Variants in PCDHA3 observed in about 807,000 individuals in gnomAD.
The protein encoded by PCDHA3 is protocadherin alpha 3.
PCDHA3 carries 41 observed loss-of-function variants against 62.2 expected under a neutral mutation model. The observed-to-expected ratio is 0.66, with a 90% CI of 0.51 to 0.86. PCDHA3 has a LOEUF of 0.86. Ranked by LOEUF, PCDHA3 falls within the 40% of genes least tolerant of loss-of-function variation. The probability of loss-of-function intolerance (pLI) is 0.00; values close to 1 mark genes in which losing one functional copy is unlikely to be tolerated. For missense variants in PCDHA3, 1,304 were observed against 1,241.2 expected, an observed-to-expected ratio of 1.05 and a Z score of -0.76; for synonymous variants, 640 against 555.4, an observed-to-expected ratio of 1.15 and a Z score of -2.14.
chr5:140,852,671 T>C (rs1371221007), intron 1 of PCDHA3: 3 of 965,758 alleles, frequency 3.1e-6, no homozygotes, highest in East Asian at 1.1e-4. Context: ...TCAGCACAAC[T>C]CACCTTGAAT....
chr5:140,928,788 G>A, intron 1 of PCDHA3: 1 of 1,614,214 alleles, frequency 6.2e-7, no homozygotes, highest in South Asian at 1.1e-5. Flanking sequence ...CAGTTAAGCA[G>A]AGGGTGGTGG....
chr5:141,009,597 G>A (rs1284925593), intron 3 of PCDHA3, 30 bp from the exon 4 acceptor site: 1 of 1,605,790 alleles, frequency 6.2e-7, no homozygotes, highest in Non-Finnish European at 8.5e-7. Flanking sequence ...TGTTGACCCT[G>A]TTAATGATTT....
Position 140,881,024 on chromosome 5 carries a change from A to G in PCDHA3, c.2394+77433A>G, listed in dbSNP as rs1330072249. Among the ~76,000 whole-genome samples the G allele has an allele frequency of 1.1e-4, 17 of 152,246 alleles. 1 individual carries two copies. Among genetic ancestry groups the G allele is most frequent in the Admixed American group, 5.2e-4 (8 of 15,290 alleles). ...GAGCAGAGCTATGGAAATAAACCCA[A>G]CAGTCATTTCCTATAGAGTTGTGCA... On this transcript the variant is annotated intron_variant, in intron 1 of 3. Coordinates refer to ENST00000522353, the MANE Select transcript of PCDHA3 (RefSeq NM_018906.3).
intron 1 of PCDHA3, chr5:140,829,130 G>A (rs2150162751): frequency 2.5e-6 from 4 of 1,612,556 alleles, no homozygotes; most frequent in Non-Finnish European, 3.4e-6. Flanking sequence ...AAATGATAAC[G>A]TCCCTGAGAT....
Position 140,853,581 on chromosome 5 carries a change from C to T in PCDHA3, c.2394+49990C>T, listed in dbSNP as rs765816845. ...GAAAAACTAAGTTGTCACCCAATAT[C>T]TTAGACACTTTGAGAGCAAAGGGGG... On this transcript the variant is annotated intron_variant, in intron 1 of 3. Transcript: ENST00000522353. 6.1e-4 allele frequency: 602 copies of T among 984,310 alleles called. 55 individuals are homozygous for T. Among genetic ancestry groups the T allele is most frequent in the Non-Finnish European group, 6.9e-4 (563 of 816,746 alleles). 61.0% of individuals were successfully genotyped at this position (984,310 alleles called of 1,614,324 possible).
intron 3 of PCDHA3, among the ~76,000 whole-genome samples, chr5:141,007,567 CA>C (rs1489201842): frequency 6.6e-6 from 1 of 151,954 alleles, no homozygotes; most frequent in Non-Finnish European, 1.5e-5. Flanking sequence ...GGCTCTATCT[CA>C]AATTTAAAAA....
At chr5:140,982,186 C>G (rs547938149) in intron 2 of PCDHA3, among the ~76,000 whole-genome samples, 34 of 152,372 alleles carry the variant, frequency 2.2e-4, no homozygotes, top group African/African-American at 7.7e-4. Context: ...CTCTGATGGG[C>G]TTCCTGTTAG....
chr5:140,807,794 G>A (rs1554124277), intron 1 of PCDHA3: 1 of 1,614,154 alleles, frequency 6.2e-7, no homozygotes, highest in East Asian at 2.2e-5. Context: ...TTTAGACAGA[G>A]AAGAAGCTCC....
At position 140,869,552 on chromosome 5, in the gene PCDHA3, C is replaced by T. The variant is rs537127263; in HGVS notation, c.2394+65961C>T. ...ATTGCGGAATCTAAGCAATCGGACTCGCGTTTTCCACTAGAGGGAGCTTCT... is the reference window on the plus strand; with the variant it reads ...ATTGCGGAATCTAAGCAATCGGACTTGCGTTTTCCACTAGAGGGAGCTTCT... On this transcript the variant is annotated intron_variant, in intron 1 of 3. Transcript: ENST00000522353. 4 of 1,614,140 alleles carry T rather than the reference C, an allele frequency of 2.5e-6. No homozygotes were observed. In the East Asian group the frequency reaches 6.7e-5, roughly 27 times the overall value.
chr5:140,900,080 A>G (rs62384484), intron 1 of PCDHA3, among the ~76,000 whole-genome samples: 49,691 of 152,040 alleles, frequency 0.33, 8,391 homozygotes, highest in East Asian at 0.53. Flanking sequence ...AAAGTGCTGC[A>G]GTTACAAGCA....
At chr5:141,005,978 G>C (rs1226619772) in intron 3 of PCDHA3, among the ~76,000 whole-genome samples, 2 of 151,936 alleles carry the variant, frequency 1.3e-5, no homozygotes, top group African/African-American at 4.8e-5. Context: ...CAATTCCAAA[G>C]AGTGTTTGAG....
chr5:140,905,160 A>G (rs1554191931), intron 1 of PCDHA3, among the ~76,000 whole-genome samples: 2 of 152,304 alleles, frequency 1.3e-5, no homozygotes, highest in East Asian at 1.9e-4. Flanking sequence ...TAGAATTTTC[A>G]TGGTTTCAGG....
chr5:140,852,181 G>A, intron 1 of PCDHA3: 3 of 755,216 alleles, frequency 4.0e-6, no homozygotes, highest in Non-Finnish European at 5.0e-6. Flanking sequence ...AAATAACTAT[G>A]AAAATGCCAG....
chr5:140,854,013 T>A, intron 1 of PCDHA3: 16 of 343,618 alleles, frequency 4.7e-5, no homozygotes, highest in Non-Finnish European at 6.8e-5. Context: ...AAAAAAAAAA[T>A]TAGCCGGGCA....
chr5:140,835,653 G>A, intron 1 of PCDHA3: 1 of 1,613,930 alleles, frequency 6.2e-7, no homozygotes, highest in Non-Finnish European at 8.5e-7. Context: ...CTATGAGCTG[G>A]TGGTTACCGC....
At chr5:140,904,949 T>A (rs2071498656) in intron 1 of PCDHA3, among the ~76,000 whole-genome samples, 1 of 152,228 alleles carries the variant, frequency 6.6e-6, no homozygotes, top group South Asian at 2.1e-4. Flanking sequence ...TAGTCCTTTG[T>A]CTGATGCAGA....
chr5:140,868,762 A>G (rs2050634437), intron 1 of PCDHA3: 1 of 233,926 alleles, frequency 4.3e-6, no homozygotes, highest in African/African-American at 2.3e-5. Flanking sequence ...ATATATATTT[A>G]GTTTCAATAT....
chr5:140,828,392 G>A, intron 1 of PCDHA3: 1 of 1,614,286 alleles, frequency 6.2e-7, no homozygotes, highest in Non-Finnish European at 8.5e-7. Context: ...GCGGAGCGCG[G>A]AGTGCAGCAT....
At chr5:140,894,184 A>T (rs1411546476) in intron 1 of PCDHA3, among the ~76,000 whole-genome samples, 13 of 152,046 alleles carry the variant, frequency 8.6e-5, no homozygotes, top group African/African-American at 3.1e-4. Context: ...TTCCATAGTT[A>T]TATATTTTTT....
Sources: gnomAD v4.1 joint callset for allele counts (sites outside exome capture counted in the v4.1 genomes callset) on GRCh38, gnomAD v4.1.1 for gene constraint, MANE v1.5 for transcripts, NCBI Gene and HGNC (gene_info 2026-07-23, HGNC 2026-07-21) for gene names.